The following SLC7A1 variants were observed in gnomAD, a reference collection of about 807,000 sequenced individuals.
SLC7A1 encodes the protein high affinity cationic amino acid transporter 1.
Under a neutral mutation model 53.9 loss-of-function variants are expected in SLC7A1, and 10 were observed. That is an observed-to-expected ratio of 0.19 (90% CI 0.11 to 0.31). The LOEUF (loss-of-function observed/expected upper bound fraction) is 0.31, where lower values mean the gene tolerates loss of function less well. Among genes scored for constraint, SLC7A1 ranks in the 10% least tolerant of loss-of-function variants. The pLI is 1.00. For missense variants in SLC7A1, 525 were observed against 827.2 expected, an observed-to-expected ratio of 0.63 and a Z score of 4.48; for synonymous variants, 342 against 338.7, an observed-to-expected ratio of 1.01 and a Z score of -0.11.
intron 1 of SLC7A1, among the ~76,000 whole-genome samples, chr13:29,582,975 C>CA (rs1422473151): frequency 1.3e-5 from 2 of 152,198 alleles, no homozygotes; most frequent in Non-Finnish European, 2.9e-5. Context: ...AAAATGCACC[C>CA]AATGTACACA....
intron 9 of SLC7A1, among the ~76,000 whole-genome samples, 170 bp from the exon 10 acceptor site, chr13:29,517,960 A>G (rs1174874068): frequency 6.6e-6 from 1 of 152,208 alleles, no homozygotes; most frequent in African/African-American, 2.4e-5. Flanking sequence ...GACCGGGAAC[A>G]CCACCTCCCG....
chr13:29,590,607 C>T (rs1280040615), intron 1 of SLC7A1, among the ~76,000 whole-genome samples: 4 of 152,024 alleles, frequency 2.6e-5, no homozygotes, highest in African/African-American at 9.7e-5. Context: ...CCAAAACAGC[C>T]CAGAGACTAT....
intron 2 of SLC7A1, among the ~76,000 whole-genome samples, chr13:29,540,640 C>G (rs9550482): frequency 6.6e-6 from 1 of 152,124 alleles, no homozygotes; most frequent in Non-Finnish European, 1.5e-5. Flanking sequence ...AGCTGTTATA[C>G]GACACTCGGA....
intron 1 of SLC7A1, among the ~76,000 whole-genome samples, chr13:29,567,023 T>C (rs945315644): frequency 6.6e-6 from 1 of 152,238 alleles, no homozygotes; most frequent in East Asian, 1.9e-4. Flanking sequence ...GCACAAGCTA[T>C]TTATTACATG....
intron 12 of SLC7A1, among the ~76,000 whole-genome samples, chr13:29,514,811 G>A (rs1188237268): frequency 2.6e-5 from 4 of 152,238 alleles, no homozygotes; most frequent in East Asian, 1.9e-4. Flanking sequence ...TCCTCTGGAC[G>A]GCCTTATGCT....
At chr13:29,591,397 A>G (rs1872103989) in intron 1 of SLC7A1, among the ~76,000 whole-genome samples, 1 of 152,190 alleles carries the variant, frequency 6.6e-6, no homozygotes, top group African/African-American at 2.4e-5. Flanking sequence ...TCTTTCTGCC[A>G]GTAGGGATCA....
intron 1 of SLC7A1, among the ~76,000 whole-genome samples, chr13:29,594,674 G>C (rs928102454): frequency 6.6e-6 from 1 of 152,214 alleles, no homozygotes; most frequent in African/African-American, 2.4e-5. Context: ...CCATGTGGAG[G>C]GCTTGAGGAA....
chr13:29,577,154 A>G (rs972997321), intron 1 of SLC7A1, among the ~76,000 whole-genome samples: 4 of 152,168 alleles, frequency 2.6e-5, no homozygotes, highest in Non-Finnish European at 1.5e-5. Context: ...CAGTGAACTC[A>G]ATGGTCGGAT....
chr13:29,567,314 A>T (rs2989343), intron 1 of SLC7A1, among the ~76,000 whole-genome samples: 1 of 152,180 alleles, frequency 6.6e-6, no homozygotes, highest in African/African-American at 2.4e-5. Context: ...CACTCTGTGG[A>T]TACCTATGGT....
intron 8 of SLC7A1, among the ~76,000 whole-genome samples, chr13:29,520,815 G>A (rs552690067): frequency 6.6e-6 from 1 of 152,302 alleles, no homozygotes; most frequent in Non-Finnish European, 1.5e-5. Context: ...TCAGAACAGC[G>A]CCCAACTGTG....
At chr13:29,541,734 G>C (rs1869675427) in intron 2 of SLC7A1, among the ~76,000 whole-genome samples, 1 of 152,154 alleles carries the variant, frequency 6.6e-6, no homozygotes, top group African/African-American at 2.4e-5. Context: ...GTCACTAAGA[G>C]AAGTGGAAAA....
In SLC7A1 at chr13:29,512,600, C is replaced by CA. The variant is rs1184046033; in HGVS notation, c.*1879dup. 6.6e-6 allele frequency: 1 copy of CA among 152,146 alleles called. No homozygotes were observed. Among genetic ancestry groups the CA allele is most frequent in the Admixed American group, 6.5e-5 (1 of 15,282 alleles). The allele number at this position is 152,146 out of a possible 1,614,324, so 9.4% of individuals were successfully genotyped here. On this transcript the variant is annotated 3_prime_UTR_variant, in exon 13 of 13. Transcript: ENST00000380752. ...AGCAAATAACTACCAGGTCCTAAGA[C>CA]AAGAGACAACCAAAACCCCAACAAA... is the stretch of plus-strand genomic sequence containing the variant.
intron 1 of SLC7A1, among the ~76,000 whole-genome samples, chr13:29,588,458 C>T (rs922397998): frequency 2.0e-5 from 3 of 151,406 alleles, no homozygotes; most frequent in Non-Finnish European, 2.9e-5. Context: ...ATCTGAGAGA[C>T]GGTACCCAGG....
At chr13:29,590,904 G>A (rs527805073) in intron 1 of SLC7A1, among the ~76,000 whole-genome samples, 1 of 152,234 alleles carries the variant, frequency 6.6e-6, no homozygotes, top group East Asian at 1.9e-4. Context: ...AGGAGTTTGA[G>A]ACCAGCCTGG....
chr13:29,543,427 C>T (rs1869756655), intron 2 of SLC7A1, among the ~76,000 whole-genome samples: 1 of 150,506 alleles, frequency 6.6e-6, no homozygotes, highest in Non-Finnish European at 1.5e-5. Flanking sequence ...GGGTTTCAGT[C>T]CTTCAGGCCT....
At chr13:29,565,495 G>C (rs1211096675) in intron 1 of SLC7A1, among the ~76,000 whole-genome samples, 1 of 152,162 alleles carries the variant, frequency 6.6e-6, no homozygotes, top group Non-Finnish European at 1.5e-5. Context: ...TGCTGTTGAT[G>C]GTCTAGGCCC....
chr13:29,528,888 A>T (rs1295227035), intron 5 of SLC7A1, among the ~76,000 whole-genome samples: 1 of 152,222 alleles, frequency 6.6e-6, no homozygotes, highest in Admixed American at 6.5e-5. Flanking sequence ...GAGGATGACC[A>T]GTGAAAGTAA....
In SLC7A1 at chr13:29,512,654, C is replaced by CAACA. The variant is rs1448249862; in HGVS notation, c.*1822_*1825dup. On this transcript the variant is annotated 3_prime_UTR_variant, in exon 13 of 13. Transcript: ENST00000380752. ...AGTTAGTATTTATCAAAATATGTTA[C>CAACA]AACACCAATCTCCATAAATGTCAAT... is the stretch of plus-strand genomic sequence containing the variant. The CAACA allele has an allele frequency of 2.0e-5, 3 of 152,198 alleles. No homozygotes were observed. Among genetic ancestry groups the CAACA allele is most frequent in the Admixed American group, 6.5e-5 (1 of 15,284 alleles). The allele number at this position is 152,198 out of a possible 1,614,324, so 9.4% of individuals were successfully genotyped here.
At chr13:29,591,394 G>C (rs1470953070) in intron 1 of SLC7A1, among the ~76,000 whole-genome samples, 1 of 152,148 alleles carries the variant, frequency 6.6e-6, no homozygotes, top group Non-Finnish European at 1.5e-5. Flanking sequence ...TGCTCTTTCT[G>C]CCAGTAGGGA....
Sources: gnomAD v4.1 joint callset for allele counts (sites outside exome capture counted in the v4.1 genomes callset) on GRCh38, gnomAD v4.1.1 for gene constraint, MANE v1.5 for transcripts, NCBI Gene and HGNC (gene_info 2026-07-23, HGNC 2026-07-21) for gene names.